The following CCN4 variants were observed in gnomAD, a reference collection of about 807,000 sequenced individuals.
CCN4 encodes cellular communication network factor 4.
A neutral mutation model predicts 36.7 loss-of-function variants in CCN4; 30 were observed. That is an observed-to-expected ratio of 0.82 (90% CI 0.61 to 1.11). The LOEUF is 1.11. CCN4 is among the 50% of genes least tolerant of loss of function. The probability of loss-of-function intolerance (pLI) is 0.00; values close to 1 mark genes in which losing one functional copy is unlikely to be tolerated. For synonymous variants in CCN4, 191 were observed against 195.4 expected, an observed-to-expected ratio of 0.98 and a Z score of 0.19; for missense variants, 505 against 504.9, an observed-to-expected ratio of 1.00 and a Z score of 0.00.
chr8:133,209,820 C>A (rs1479605586), intron 1 of CCN4, among the ~76,000 whole-genome samples: 1 of 152,208 alleles, frequency 6.6e-6, no homozygotes, highest in Non-Finnish European at 1.5e-5. Flanking sequence ...CCAGGCCCTA[C>A]CTAGTGCTGC....
At chr8:133,195,183 ATGTGGTGTGTG>A (rs1387519528) in intron 1 of CCN4, among the ~76,000 whole-genome samples, 1 of 78,490 alleles carries the variant, frequency 1.3e-5, no homozygotes, top group Non-Finnish European at 2.6e-5. Flanking sequence ...GTGTTTGTGT[ATGTGGTGTGTG>A]TGTGGTGTGT....
At chr8:133,213,447 T>C (rs1355697976) in intron 2 of CCN4, among the ~76,000 whole-genome samples, 1 of 152,112 alleles carries the variant, frequency 6.6e-6, no homozygotes, top group African/African-American at 2.4e-5. Context: ...TTTGTTCTCT[T>C]AGTGGTAGGA....
intron 1 of CCN4, among the ~76,000 whole-genome samples, chr8:133,206,025 G>A (rs1480491900): frequency 6.6e-6 from 1 of 152,182 alleles, no homozygotes; most frequent in Non-Finnish European, 1.5e-5. Context: ...TGGCTTAGGG[G>A]CCCGAGCTCC....
chr8:133,213,586 G>C (rs1488995442), intron 2 of CCN4, among the ~76,000 whole-genome samples: 1 of 151,476 alleles, frequency 6.6e-6, no homozygotes, highest in Non-Finnish European at 1.5e-5. Flanking sequence ...ATGAAAATCA[G>C]CAGCCTGCAG....
intron 3 of CCN4, 114 bp from the exon 4 acceptor site, chr8:133,225,276 C>T: frequency 8.6e-7 from 1 of 1,169,394 alleles, no homozygotes; most frequent in Admixed American, 2.4e-5. Context: ...GGAGGTACAG[C>T]CAATTTCTGT....
At chr8:133,215,253 C>A (rs73362534) in intron 2 of CCN4, among the ~76,000 whole-genome samples, 1 of 152,106 alleles carries the variant, frequency 6.6e-6, no homozygotes, top group East Asian at 1.9e-4. Flanking sequence ...AGTCCTTTAA[C>A]AAGACTCCCA....
chr8:133,193,163 A>T (rs1788012074), intron 1 of CCN4, among the ~76,000 whole-genome samples: 1 of 152,244 alleles, frequency 6.6e-6, no homozygotes, highest in Non-Finnish European at 1.5e-5. Flanking sequence ...CAAATTCCAT[A>T]CATGGTCATC....
intron 2 of CCN4, among the ~76,000 whole-genome samples, 163 bp from the exon 3 acceptor site, chr8:133,220,418 A>G (rs142124389): frequency 6.6e-6 from 1 of 151,916 alleles, no homozygotes; most frequent in Non-Finnish European, 1.5e-5. Flanking sequence ...TGCCCTGTGC[A>G]CTCTCACACC....
intron 1 of CCN4, among the ~76,000 whole-genome samples, chr8:133,192,507 C>T (rs955274173): frequency 9.2e-5 from 14 of 152,134 alleles, no homozygotes; most frequent in Non-Finnish European, 1.6e-4. Flanking sequence ...AAGGACTTGC[C>T]CAGGAGCTCC....
intron 4 of CCN4, among the ~76,000 whole-genome samples, chr8:133,225,961 G>T (rs964193068): frequency 2.0e-5 from 3 of 152,110 alleles, no homozygotes; most frequent in African/African-American, 7.2e-5. Context: ...ACTAAATGAG[G>T]CTCAGGACCC....
In CCN4 at chr8:133,213,124, C is replaced by A; in HGVS notation, c.330C>A (p.Tyr110Ter). 6.2e-7 allele frequency: 1 copy of A among 1,607,288 alleles called. No homozygotes were observed. Residue 110 changes from tyrosine (Y) to a stop codon, truncating the protein, a stop_gained, in exon 2 of 5, where the codon TAC becomes TAA. Coordinates refer to ENST00000250160, the MANE Select transcript of CCN4 (RefSeq NM_003882.4). LOFTEE classifies it high-confidence loss of function. The part of the protein sequence containing the change: ...YCDYSGDRPR[Y>*]AIGVCAQVVG... ...ACTACAGCGGGGACCGCCCGAGGTA[C>A]GCAATAGGAGTGTGTGCACGTAAGT...
chr8:133,213,795 G>A (rs1854158848), intron 2 of CCN4, among the ~76,000 whole-genome samples: 1 of 143,658 alleles, frequency 7.0e-6, no homozygotes. Flanking sequence ...TTTTCACAGG[G>A]GGAAATATAC....
At position 133,213,085 on chromosome 8, in the gene CCN4, G is replaced by A. The variant is rs73711810; in HGVS notation, c.291G>A (p.Arg97=). The A allele has an allele frequency of 3.2e-3, 5,089 of 1,614,062 alleles. 153 individuals carry two copies. The African/African-American group carries it at 0.059, about 19-fold the overall frequency. ...CTEAAICDPH[R]GLYCDYSGDR... ...AGGCTGCCATCTGTGACCCCCACCG[G>A]GGCCTCTACTGTGACTACAGCGGGG... Residue 97 remains arginine (R), a synonymous_variant, in exon 2 of 5, where the codon CGG becomes CGA. Transcript: ENST00000250160.
intron 3 of CCN4, among the ~76,000 whole-genome samples, chr8:133,221,500 A>G (rs1854525703): frequency 6.6e-6 from 1 of 151,964 alleles, no homozygotes; most frequent in Non-Finnish European, 1.5e-5. Context: ...AAATAGATGA[A>G]TGTATAAATA....
In CCN4 at chr8:133,210,005, T is replaced by A. The variant is rs144161059; in HGVS notation, c.70-2859T>A. Among the ~76,000 whole-genome samples, 1,209 of 152,276 alleles carry A rather than the reference T, an allele frequency of 7.9e-3. 9 individuals are homozygous for A. The highest frequency in any genetic ancestry group is 0.013 in the Non-Finnish European group (866 of 68,018). On this transcript the variant is annotated intron_variant, in intron 1 of 4. Transcript: ENST00000250160. ...AGGTTGCATGTTCTTTTCTTGACAC[T>A]CAAACTTAGGGCCCAGAGGAGAGGT...
chr8:133,206,203 C>A (rs551586623), intron 1 of CCN4, among the ~76,000 whole-genome samples: 1 of 152,280 alleles, frequency 6.6e-6, no homozygotes, highest in African/African-American at 2.4e-5. Flanking sequence ...TCTGGACCAA[C>A]AGAGACACCC....
At chr8:133,217,936 C>CACACACACACACACACACACA (rs1854381190) in intron 2 of CCN4, among the ~76,000 whole-genome samples, 10 of 144,432 alleles carry the variant, frequency 6.9e-5, no homozygotes, top group Admixed American at 1.4e-4. Flanking sequence ...ACTCCCTTCT[C>CACACACACACACACACACACA]CACACACACA....
At chr8:133,194,445 G>A (rs1853247703) in intron 1 of CCN4, among the ~76,000 whole-genome samples, 1 of 40,018 alleles carries the variant, frequency 2.5e-5, no homozygotes, top group South Asian at 7.7e-4. Context: ...TGTGTGTGGT[G>A]TGTGTGTGGT....
At chr8:133,212,270 G>A (rs568828777) in intron 1 of CCN4, among the ~76,000 whole-genome samples, 1 of 152,286 alleles carries the variant, frequency 6.6e-6, no homozygotes, top group African/African-American at 2.4e-5. Context: ...CCATGTAGCT[G>A]CCAGGAGCTA....
Sources: allele counts gnomAD v4.1 joint callset (sites outside exome capture counted in the v4.1 genomes callset), GRCh38; gene constraint gnomAD v4.1.1; transcripts MANE v1.5; gene names NCBI Gene and HGNC (gene_info 2026-07-23, HGNC 2026-07-21).